Variants in RAPGEF6 observed in about 807,000 individuals in gnomAD.
RAPGEF6 encodes the protein PDZ domain containing guanine nucleotide exchange factor (GEF) 2.
Under a neutral mutation model 171.4 loss-of-function variants are expected in RAPGEF6, and 56 were observed. The ratio of observed to expected loss-of-function variants is 0.33; its 90% CI spans 0.26 to 0.41. The LOEUF is 0.41. Ranked by LOEUF, RAPGEF6 falls within the 10% of genes least tolerant of loss-of-function variation. RAPGEF6 has a pLI of 1.00. For synonymous variants in RAPGEF6, 692 were observed against 650.1 expected (o/e 1.06, Z -0.98); for missense variants, 1,674 against 1,921.4 (o/e 0.87, Z 2.41).
At chr5:131,532,721 G>C (rs143002399) in intron 6 of RAPGEF6, among the ~76,000 whole-genome samples, 13 of 151,144 alleles carry the variant, frequency 8.6e-5, no homozygotes, top group Admixed American at 7.2e-4. Context: ...GATATATGCC[G>C]TAACAGGTTT....
chr5:131,485,698 G>A (rs1755838973), intron 15 of RAPGEF6, among the ~76,000 whole-genome samples: 1 of 152,194 alleles, frequency 6.6e-6, no homozygotes, highest in Non-Finnish European at 1.5e-5. Context: ...GCTTTTCAGA[G>A]TTCTCAGCTA....
chr5:131,505,289 T>C (rs961605604), intron 10 of RAPGEF6, 75 bp downstream of exon 10: 4 of 1,452,872 alleles, frequency 2.8e-6, no homozygotes, highest in Admixed American at 2.0e-5. Flanking sequence ...AGCTATTTTC[T>C]TTTGAGGAAG....
At chr5:131,456,359 G>A (rs1394897487) in intron 19 of RAPGEF6, among the ~76,000 whole-genome samples, 1 of 152,076 alleles carries the variant, frequency 6.6e-6, no homozygotes, top group Non-Finnish European at 1.5e-5. Flanking sequence ...ACTTTATGGA[G>A]ACATTACCTA....
intron 3 of RAPGEF6, among the ~76,000 whole-genome samples, chr5:131,596,156 A>AT (rs1491181066): frequency 1.9e-4 from 4 of 21,458 alleles, no homozygotes; most frequent in South Asian, 2.8e-3. Flanking sequence ...TCCATCATAT[A>AT]AAAAAAAAAA....
Position 131,453,041 on chromosome 5 carries a change from T to C in RAPGEF6, c.3200+13A>G, listed in dbSNP as rs781114350. 1.2e-6 allele frequency: 2 copies of C among 1,606,330 alleles called. No individual in the cohort carries two copies. The highest frequency in any genetic ancestry group is 1.7e-6 in the Non-Finnish European group (2 of 1,176,064). On this transcript the variant is annotated intron_variant, in intron 21 of 27. Coordinates refer to ENST00000509018, the MANE Select transcript of RAPGEF6 (RefSeq NM_016340.6). ...ATACCACTCTAACACTTTTACATAT[T>C]TCAATGTCCTACCTCTGTCGAAACA...
intron 1 of RAPGEF6, 148 bp from the exon 2 acceptor site, chr5:131,604,841 A>G: frequency 9.4e-7 from 1 of 1,064,426 alleles, no homozygotes; most frequent in South Asian, 1.9e-5. Context: ...ATCATAAAAG[A>G]TTTGAAAAGG....
rs559145688 is a variant in RAPGEF6 at position 131,492,929 on chromosome 5, C to T, written c.1528-144G>A. ...AAAATTGAAGAAGGGGGCACTCCCA[C>T]GCCAAAGCACTCTCAACAAGATTTC... On this transcript the variant is annotated intron_variant, in intron 13 of 27. Transcript: ENST00000509018. The T allele has an allele frequency of 8.6e-5, 58 of 675,598 alleles. No individual in the cohort carries two copies. The East Asian group carries it at 9.3e-4, about 11-fold the overall frequency. The allele number at this position is 675,598 out of a possible 1,614,324, so 41.9% of individuals were successfully genotyped here. A position where few individuals can be genotyped will look rare whatever the true frequency, so the allele number is the denominator to read the frequency against.
chr5:131,548,284 T>C, intron 5 of RAPGEF6, 94 bp from the exon 6 acceptor site: 1 of 1,285,946 alleles, frequency 7.8e-7, no homozygotes, highest in Admixed American at 2.3e-5. Context: ...GGAAGCTTCA[T>C]TTACTTCTTA....
intron 1 of RAPGEF6, among the ~76,000 whole-genome samples, chr5:131,622,678 T>G (rs570057059): frequency 4.8e-4 from 73 of 152,320 alleles, no homozygotes; most frequent in Middle Eastern, 3.4e-3. Context: ...GAAAAGATGT[T>G]CATCCAGATA....
intron 1 of RAPGEF6, among the ~76,000 whole-genome samples, chr5:131,605,490 A>G (rs1372115775): frequency 6.6e-6 from 1 of 152,226 alleles, no homozygotes; most frequent in African/African-American, 2.4e-5. Context: ...CTTAAAGTAT[A>G]ATAAAAAATA....
chr5:131,508,067 C>G lies in RAPGEF6; in HGVS notation c.942+4G>C. ...AAATGTATGTAATTTATTTATTGAC[C>G]TACCTCTTGCCCATCTTCAAGAATA... On this transcript the variant is annotated splice_donor_region_variant and intron_variant, in intron 9 of 27. Transcript: ENST00000509018. 1 of 1,588,728 alleles carries G rather than the reference C, an allele frequency of 6.3e-7. No individual in the cohort carries two copies. The highest frequency in any genetic ancestry group is 8.6e-7 in the Non-Finnish European group (1 of 1,167,708).
intron 16 of RAPGEF6, among the ~76,000 whole-genome samples, chr5:131,478,806 T>C (rs916005019): frequency 6.6e-6 from 1 of 152,212 alleles, no homozygotes; most frequent in African/African-American, 2.4e-5. Context: ...CAAGTAAGTA[T>C]TTTCTTTTAA....
intron 1 of RAPGEF6, among the ~76,000 whole-genome samples, chr5:131,621,366 T>C (rs1181032000): frequency 6.6e-6 from 1 of 152,122 alleles, no homozygotes; most frequent in Non-Finnish European, 1.5e-5. Context: ...CACAGCTCAC[T>C]GCAGCCTCAA....
intron 16 of RAPGEF6, among the ~76,000 whole-genome samples, chr5:131,475,417 A>T (rs1755029992): frequency 6.6e-6 from 1 of 152,252 alleles, no homozygotes; most frequent in African/African-American, 2.4e-5. Context: ...ATGAAACTAA[A>T]AAGGCTACAT....
intron 3 of RAPGEF6, among the ~76,000 whole-genome samples, chr5:131,600,528 A>AGAAG (rs749813909): frequency 6.0e-4 from 79 of 131,628 alleles, no homozygotes; most frequent in East Asian, 1.3e-3. Flanking sequence ...AGAACTAACG[A>AGAAG]GAAGGAAGGA....
rs771279009 is a variant in RAPGEF6, at chr5:131,461,907, G to A, written c.2662C>T (p.Leu888Phe). 1 of 1,613,894 alleles carries A rather than the reference G, an allele frequency of 6.2e-7. No individual in the cohort carries two copies. The highest frequency in any genetic ancestry group is 8.5e-7 in the Non-Finnish European group (1 of 1,179,968). The change falls in exon 19 of 28, where the codon CTT becomes TTT. Residue 888 changes from leucine (L) to phenylalanine (F), a missense_variant. By Grantham distance (22) the Leu-to-Phe change is conservative. Transcript: ENST00000509018. ...NIEPTEYIDD[L>F]FKLNSKTGNT... Reference sequence around the variant, plus strand: ...CCTGTTTTGGAATTTAACTTAAAAAGGTCATCGATGTACTCAGTCGGTTCA... The same window carrying A: ...CCTGTTTTGGAATTTAACTTAAAAAAGTCATCGATGTACTCAGTCGGTTCA...
chr5:131,492,237 A>C (rs1398157259), intron 14 of RAPGEF6, among the ~76,000 whole-genome samples: 1 of 152,146 alleles, frequency 6.6e-6, no homozygotes. Flanking sequence ...CAAAACCTGC[A>C]AGGGTGCTAA....
intron 1 of RAPGEF6, among the ~76,000 whole-genome samples, chr5:131,623,509 G>T (rs1161664441): frequency 3.1e-5 from 4 of 130,920 alleles, no homozygotes; most frequent in East Asian, 2.3e-4. Flanking sequence ...GTGAGACAGA[G>T]TTTCACTCTT....
intron 8 of RAPGEF6, among the ~76,000 whole-genome samples, chr5:131,509,404 G>A (rs565156267): frequency 9.7e-4 from 148 of 152,108 alleles, no homozygotes; most frequent in Non-Finnish European, 1.7e-3. Flanking sequence ...TTAGCCAGGC[G>A]TGGTGGCGGG....
Sources: gnomAD v4.1 joint callset for allele counts (sites outside exome capture counted in the v4.1 genomes callset) on GRCh38, gnomAD v4.1.1 for gene constraint, MANE v1.5 for transcripts, NCBI Gene and HGNC (gene_info 2026-07-23, HGNC 2026-07-21) for gene names.